EPB41L4B: variants seen among roughly 807,000 people sequenced by gnomAD.
The protein encoded by EPB41L4B is band 4.1-like protein 4B.
Under a neutral mutation model 112.5 loss-of-function variants are expected in EPB41L4B, and 30 were observed. That is an observed-to-expected ratio of 0.27 (90% CI 0.20 to 0.36). EPB41L4B has a LOEUF of 0.36. Ranked by LOEUF, EPB41L4B falls within the 10% of genes least tolerant of loss-of-function variation. EPB41L4B has a pLI of 1.00. For missense variants in EPB41L4B, 1,024 were observed against 1,133.3 expected (o/e 0.90, Z 1.38); for synonymous variants, 408 against 439.7 (o/e 0.93, Z 0.90).
At chr9:109,281,560 G>A (rs1836041319) in intron 1 of EPB41L4B, among the ~76,000 whole-genome samples, 2 of 152,158 alleles carry the variant, frequency 1.3e-5, no homozygotes, top group South Asian at 4.1e-4. Flanking sequence ...AAAATTAGCA[G>A]GGTATGGTGA....
intron 1 of EPB41L4B, among the ~76,000 whole-genome samples, chr9:109,291,007 T>C (rs1413852643): frequency 3.3e-5 from 5 of 152,338 alleles, no homozygotes; most frequent in Admixed American, 2.6e-4. Flanking sequence ...GAAGTGTCCA[T>C]GGTCTACTGG....
At chr9:109,240,588 A>G in intron 15 of EPB41L4B, 5 of 985,424 alleles carry the variant, frequency 5.1e-6, no homozygotes, top group Non-Finnish European at 6.0e-6. Flanking sequence ...GAAATGGGGG[A>G]AATAAATATT....
chr9:109,305,230 G>C (rs1053050248), intron 1 of EPB41L4B, among the ~76,000 whole-genome samples: 2 of 151,736 alleles, frequency 1.3e-5, no homozygotes, highest in African/African-American at 4.8e-5. Flanking sequence ...TGGGAGGATG[G>C]GGGGAATGAT....
At chr9:109,276,275 A>C (rs1835820570) in intron 2 of EPB41L4B, among the ~76,000 whole-genome samples, 1 of 151,136 alleles carries the variant, frequency 6.6e-6, no homozygotes, top group African/African-American at 2.4e-5. Context: ...TAGAAAAAAC[A>C]CTTTGAGAGT....
At chr9:109,240,885 C>T in intron 15 of EPB41L4B, 4 of 985,336 alleles carry the variant, frequency 4.1e-6, no homozygotes, top group Non-Finnish European at 4.8e-6. Context: ...AAAATTATTC[C>T]CATACTTGAG....
intron 1 of EPB41L4B, among the ~76,000 whole-genome samples, chr9:109,283,064 T>C (rs1836131512): frequency 6.6e-6 from 1 of 152,140 alleles, no homozygotes; most frequent in East Asian, 1.9e-4. Flanking sequence ...AAAAGAGATT[T>C]AAAATACACT....
At chr9:109,198,233 G>A (rs1019715183) in intron 20 of EPB41L4B, among the ~76,000 whole-genome samples, 6 of 152,072 alleles carry the variant, frequency 3.9e-5, no homozygotes, top group Admixed American at 6.6e-5. Context: ...CCAGAATCCC[G>A]TGTCCTGTCC....
At chr9:109,200,605 T>C (rs1832791473) in intron 19 of EPB41L4B, among the ~76,000 whole-genome samples, 1 of 152,190 alleles carries the variant, frequency 6.6e-6, no homozygotes, top group Admixed American at 6.5e-5. Context: ...AAAATTTCTC[T>C]GCTCCGTAAC....
intron 2 of EPB41L4B, 51 bp downstream of exon 2, chr9:109,279,766 T>A: frequency 6.8e-7 from 1 of 1,459,894 alleles, no homozygotes; most frequent in Non-Finnish European, 9.6e-7. Context: ...GGACGTGCAA[T>A]TAGCAATGAA....
Position 109,173,324 on chromosome 9 carries a change from A to G in EPB41L4B, c.*1230T>C, listed in dbSNP as rs2118549333. ...CTAGAAAGCAATCTGGCAATATAAA[A>G]CAAGAGCTATAAAATACTTCATGCT... On this transcript the variant is annotated 3_prime_UTR_variant, in exon 26 of 26. Transcript: ENST00000374566. The G allele has an allele frequency of 6.5e-6, 1 of 152,710 alleles. No homozygotes were observed. The highest frequency in any genetic ancestry group is 2.1e-4 in the South Asian group (1 of 4,826). 9.5% of individuals were successfully genotyped at this position (152,710 alleles called of 1,614,324 possible).
At chr9:109,233,920 G>A (rs1834046689) in intron 15 of EPB41L4B, among the ~76,000 whole-genome samples, 1 of 152,126 alleles carries the variant, frequency 6.6e-6, no homozygotes, top group Admixed American at 6.5e-5. Flanking sequence ...AAGATGACAT[G>A]GTTAATTGTA....
At chr9:109,313,135 C>T (rs529934058) in intron 1 of EPB41L4B, among the ~76,000 whole-genome samples, 2 of 152,254 alleles carry the variant, frequency 1.3e-5, no homozygotes, top group Non-Finnish European at 2.9e-5. Flanking sequence ...TGCTCACCCC[C>T]GGCACCACCC....
At chr9:109,289,960 C>T (rs1040755910) in intron 1 of EPB41L4B, among the ~76,000 whole-genome samples, 19 of 152,160 alleles carry the variant, frequency 1.2e-4, no homozygotes, top group African/African-American at 4.6e-4. Context: ...TTTTACGGCA[C>T]GTGGGAAATC....
At chr9:109,288,755 G>C (rs892462218) in intron 1 of EPB41L4B, among the ~76,000 whole-genome samples, 2 of 23,252 alleles carry the variant, frequency 8.6e-5, no homozygotes, top group African/African-American at 2.0e-4. Flanking sequence ...AAAAAAAAAA[G>C]CTGGGTGTGG....
intron 14 of EPB41L4B, among the ~76,000 whole-genome samples, chr9:109,245,896 A>C (rs1211185242): frequency 3.3e-5 from 5 of 152,246 alleles, no homozygotes; most frequent in Non-Finnish European, 7.3e-5. Context: ...TGATTTCAAC[A>C]ATCGCCTCAT....
intron 15 of EPB41L4B, among the ~76,000 whole-genome samples, chr9:109,239,265 T>C (rs1341954509): frequency 6.6e-6 from 1 of 152,184 alleles, no homozygotes; most frequent in African/African-American, 2.4e-5. Context: ...AGAAGAGTTG[T>C]AGATGATGTA....
At chr9:109,288,191 G>T (rs1836372721) in intron 1 of EPB41L4B, among the ~76,000 whole-genome samples, 1 of 152,234 alleles carries the variant, frequency 6.6e-6, no homozygotes, top group Non-Finnish European at 1.5e-5. Context: ...CTGCTGCTGC[G>T]AGAGGATGCA....
chr9:109,251,198 C>T (rs779160366), intron 13 of EPB41L4B, among the ~76,000 whole-genome samples: 6 of 152,246 alleles, frequency 3.9e-5, no homozygotes, highest in Non-Finnish European at 8.8e-5. Context: ...CAGTGTGCTG[C>T]GCACAGGCCT....
At chr9:109,284,765 T>C (rs1050910485) in intron 1 of EPB41L4B, among the ~76,000 whole-genome samples, 1 of 152,220 alleles carries the variant, frequency 6.6e-6, no homozygotes, top group Non-Finnish European at 1.5e-5. Context: ...ATACAATTTC[T>C]TAAAAATCAC....
Sources: gnomAD v4.1 joint callset for allele counts (sites outside exome capture counted in the v4.1 genomes callset) on GRCh38, gnomAD v4.1.1 for gene constraint, MANE v1.5 for transcripts, NCBI Gene and HGNC (gene_info 2026-07-23, HGNC 2026-07-21) for gene names.